TMEM30B: variants seen among roughly 807,000 people sequenced by gnomAD.
The protein encoded by TMEM30B is cell cycle control protein 50B.
TMEM30B carries 25 observed loss-of-function variants against 27.9 expected under a neutral mutation model. The observed-to-expected ratio is 0.89, with a 90% CI of 0.65 to 1.25. The LOEUF (loss-of-function observed/expected upper bound fraction) is 1.25, where lower values mean the gene tolerates loss of function less well. Ranked by LOEUF, TMEM30B falls within the 50% of genes most tolerant of loss-of-function variation. The pLI is 0.00. For missense variants in TMEM30B, 536 were observed against 506.5 expected (o/e 1.06, Z -0.56); for synonymous variants, 248 against 238.5 (o/e 1.04, Z -0.37).
At position 61,280,880 on chromosome 14, in the gene TMEM30B, G is replaced by A; in HGVS notation, c.268C>T (p.Pro90Ser). The change falls in exon 1 of 1, where the codon CCC becomes TCC. Residue 90 changes from proline (P) to serine (S), a missense_variant. Physicochemically the swap from Pro to Ser is moderately conservative, Grantham distance 74. Coordinates refer to ENST00000555868, the MANE Select transcript of TMEM30B (RefSeq NM_001017970.3). This position sits in a 1 kb window ranked among gnomAD's most constrained non-coding sequence, Gnocchi z 5.0. ...AAGTACCAGGCGCACGAGCAGGGGG[G>A]CGGCAGCGCCCGGCCCTGGCCAGCC... ...AAAGQGRALP[P>S]PCSCAWYFSL... The A allele has an allele frequency of 6.4e-7, 1 of 1,560,784 alleles. No homozygotes were observed. Among genetic ancestry groups the A allele is most frequent in the Non-Finnish European group, 8.6e-7 (1 of 1,160,746 alleles).
At position 61,279,878 on chromosome 14, in the gene TMEM30B, A is replaced by G; in HGVS notation, c.*214T>C. 1.7e-6 allele frequency: 1 copy of G among 572,746 alleles called. No individual in the cohort carries two copies. Among genetic ancestry groups the G allele is most frequent in the Non-Finnish European group, 3.1e-6 (1 of 323,602 alleles). The allele number at this position is 572,746 out of a possible 1,614,324, so 35.5% of individuals were successfully genotyped here. A position where few individuals can be genotyped will look rare whatever the true frequency, so the allele number is the denominator to read the frequency against. ...AAGGAGGTGGGAAGAGTTTGCAAGGATGTTTCACTCTGCAGTCAACATCCC... is the reference window on the plus strand; with the variant it reads ...AAGGAGGTGGGAAGAGTTTGCAAGGGTGTTTCACTCTGCAGTCAACATCCC... On this transcript the variant is annotated 3_prime_UTR_variant, in exon 1 of 1. Coordinates refer to ENST00000555868, the MANE Select transcript of TMEM30B (RefSeq NM_001017970.3).
rs2045249745 is a variant in TMEM30B, at chr14:61,280,545, G to A, written c.603C>T (p.Asp201=). The A allele has an allele frequency of 1.2e-6, 2 of 1,611,674 alleles. No homozygotes were observed. Among genetic ancestry groups the A allele is most frequent in the East Asian group, 4.5e-5 (2 of 44,824 alleles). ...GCGGGTTGCGGAACTTGACGTGGTA[G>A]TCGGTCCACCAGGCGATGCCGGAGC... is the stretch of plus-strand genomic sequence containing the variant. ...LDRSGIAWWT[D]YHVKFRNPPL... Residue 201 remains aspartate, a synonymous_variant, in exon 1 of 1, where the codon GAC becomes GAT. Coordinates refer to ENST00000555868, the MANE Select transcript of TMEM30B (RefSeq NM_001017970.3). The surrounding 1 kb of genome is among the most constrained non-coding windows in gnomAD (Gnocchi z 5.0).
At position 61,280,115 on chromosome 14, in the gene TMEM30B, G is replaced by T. The variant is rs1405957515; in HGVS notation, c.1033C>A (p.Gln345Lys). ...MLVVYIRYQD[Q>K]DDDDEE ...AATCACTCCTCGTCGTCGTCGTCCT[G>T]GTCCTGGTAGCGAATGTAGACGACC... Residue 345 changes from glutamine (Q) to lysine (K), a missense_variant, in exon 1 of 1, where the codon CAG (glutamine) becomes AAG (lysine). Physicochemically the swap from Gln to Lys is moderately conservative, Grantham distance 53 (BLOSUM62 1). Coordinates refer to ENST00000555868, the MANE Select transcript of TMEM30B (RefSeq NM_001017970.3). The surrounding 1 kb of genome is among the most constrained non-coding windows in gnomAD (Gnocchi z 5.0). The T allele has an allele frequency of 6.2e-7, 1 of 1,613,100 alleles. No individual in the cohort carries two copies. Among genetic ancestry groups the T allele is most frequent in the Non-Finnish European group, 8.5e-7 (1 of 1,179,572 alleles).
In TMEM30B at chr14:61,281,209, C is replaced by G; in HGVS notation, c.-62G>C. 1 of 1,082,272 alleles carries G rather than the reference C, an allele frequency of 9.2e-7. No individual in the cohort carries two copies. The highest frequency in any genetic ancestry group is 1.7e-5 in the African/African-American group (1 of 60,170). The allele number at this position is 1,082,272 out of a possible 1,614,324, so 67.0% of individuals were successfully genotyped here. A position where few individuals can be genotyped will look rare whatever the true frequency, so the allele number is the denominator to read the frequency against. ...GTGGGGGCCCCGCCGCGGGGCGCCT[C>G]CCTCTCCGCGCCGCGCAAGCCCGGG... On this transcript the variant is annotated 5_prime_UTR_variant, in exon 1 of 1. Transcript: ENST00000555868.
In TMEM30B at chr14:61,280,959, C is replaced by T. The variant is rs765484197; in HGVS notation, c.189G>A (p.Leu63=). The change falls in exon 1 of 1, where the codon CTG becomes CTA. Residue 63 remains leucine (L), a synonymous_variant. Transcript: ENST00000555868. This position sits in a 1 kb window ranked among gnomAD's most constrained non-coding sequence, Gnocchi z 5.0. ...CCGGGTCGCCTGTATAGTCGTACTC[C>T]AGCTCCTTGATGCCGTTGGAGGAGT... ...LYYSSNGIKE[L]EYDYTGDPGT... 1.3e-6 allele frequency: 2 copies of T among 1,543,096 alleles called. No homozygotes were observed. The highest frequency in any genetic ancestry group is 1.7e-6 in the Non-Finnish European group (2 of 1,147,526).
In TMEM30B at chr14:61,278,627, AC is replaced by A. The variant is rs1566803817; in HGVS notation, c.*1464del. 6.6e-6 allele frequency: 1 copy of A among 152,250 alleles called. No homozygotes were observed. 9.4% of individuals were successfully genotyped at this position (152,250 alleles called of 1,614,324 possible). On this transcript the variant is annotated 3_prime_UTR_variant, in exon 1 of 1. Transcript: ENST00000555868. The stretch of plus-strand genomic sequence containing the variant: ...CAGGCACTGAAGAATTCTGACAAAT[AC>A]CAAATAACTGTTTGTTTTTACCAAA...
chr14:61,277,773 C>T lies in TMEM30B; in HGVS notation c.*2319G>A, dbSNP rs1313739849. ...AGGTTGATAAAGTATTGAGGACTAT[C>T]TAGTTTATATACACGTTGAGGTTGA... is the stretch of plus-strand genomic sequence containing the variant. On this transcript the variant is annotated 3_prime_UTR_variant, in exon 1 of 1. Coordinates refer to ENST00000555868, the MANE Select transcript of TMEM30B (RefSeq NM_001017970.3). 3.9e-5 allele frequency: 6 copies of T among 152,122 alleles called. No individual in the cohort carries two copies. Among genetic ancestry groups the T allele is most frequent in the Non-Finnish European group, 8.8e-5 (6 of 68,028 alleles). The allele number at this position is 152,122 out of a possible 1,614,324, so 9.4% of individuals were successfully genotyped here.
rs2045250363 is a variant in TMEM30B at position 61,280,586 on chromosome 14, C to A, written c.562G>T (p.Glu188Ter). 6.3e-7 allele frequency: 1 copy of A among 1,597,700 alleles called. No individual in the cohort carries two copies. Among genetic ancestry groups the A allele is most frequent in the Admixed American group, 1.8e-5 (1 of 57,024 alleles). Reference protein sequence around the residue: ...HQRQPGGPYVEVPLDRSGIAW... With the variant: ...HQRQPGGPYV ...ATGCCGGAGCGGTCGAGCGGCACCTCGACGTAGGGCCCGCCGGGCTGGCGC... is the reference window on the plus strand; with the variant it reads ...ATGCCGGAGCGGTCGAGCGGCACCTAGACGTAGGGCCCGCCGGGCTGGCGC... Residue 188 changes from glutamate (E) to a stop codon, truncating the protein, a stop_gained, in exon 1 of 1, where the codon GAG becomes TAG. Coordinates refer to ENST00000555868, the MANE Select transcript of TMEM30B (RefSeq NM_001017970.3). LOFTEE classifies it high-confidence loss of function. The surrounding 1 kb of genome is among the most constrained non-coding windows in gnomAD (Gnocchi z 5.0).
chr14:61,280,013 T>A lies in TMEM30B; in HGVS notation c.*79A>T. The A allele has an allele frequency of 1.6e-6, 2 of 1,272,108 alleles. No homozygotes were observed. The highest frequency in any genetic ancestry group is 2.1e-6 in the Non-Finnish European group (2 of 930,500). The allele number at this position is 1,272,108 out of a possible 1,614,324, so 78.8% of individuals were successfully genotyped here. ...AAAGCTAGGCGAGGTTGGAATTGGGTGACGGGCGAGGAGGAGATGCCAAAA... is the reference window on the plus strand; with the variant it reads ...AAAGCTAGGCGAGGTTGGAATTGGGAGACGGGCGAGGAGGAGATGCCAAAA... On this transcript the variant is annotated 3_prime_UTR_variant, in exon 1 of 1. Coordinates refer to ENST00000555868, the MANE Select transcript of TMEM30B (RefSeq NM_001017970.3). This position sits in a 1 kb window ranked among gnomAD's most constrained non-coding sequence, Gnocchi z 5.0.
At position 61,280,393 on chromosome 14, in the gene TMEM30B, A is replaced by G. The variant is rs777941277; in HGVS notation, c.755T>C (p.Val252Ala). Residue 252 changes from valine to alanine, a missense_variant, in exon 1 of 1, where the codon GTG becomes GCG. Transcript: ENST00000555868. The surrounding 1 kb of genome is among the most constrained non-coding windows in gnomAD (Gnocchi z 5.0). ...NTGFINQDFV[V>A]WMRTAALPTF... ...GGGCAGCGCCGCCGTGCGCATCCAC[A>G]CCACGAAGTCCTGATTGATGAAGCC... The G allele has an allele frequency of 6.2e-7, 1 of 1,613,990 alleles. No individual in the cohort carries two copies. Among genetic ancestry groups the G allele is most frequent in the East Asian group, 2.2e-5 (1 of 44,858 alleles).
rs2045243081 is a variant in TMEM30B, at chr14:61,280,112, C to G, written c.1036G>C (p.Asp346His). ...CGGAATCACTCCTCGTCGTCGTCGT[C>G]CTGGTCCTGGTAGCGAATGTAGACG... ...LVVYIRYQDQ[D>H]DDDEE The change falls in exon 1 of 1, where the codon GAC becomes CAC. Residue 346 changes from aspartate to histidine, a missense_variant. By Grantham distance (81) the Asp-to-His change is moderately conservative. Transcript: ENST00000555868. The surrounding 1 kb of genome is among the most constrained non-coding windows in gnomAD (Gnocchi z 5.0). The G allele has an allele frequency of 6.2e-7, 1 of 1,612,806 alleles. No homozygotes were observed. The highest frequency in any genetic ancestry group is 1.3e-5 in the African/African-American group (1 of 75,004).
In TMEM30B at chr14:61,281,059, A is replaced by T; in HGVS notation, c.89T>A (p.Leu30Gln). The change falls in exon 1 of 1, where the codon CTG becomes CAG. Residue 30 changes from leucine (L) to glutamine (Q), a missense_variant. Transcript: ENST00000555868. ...QQRLPAWQPL[L>Q]SASIALPLFF... ...GAGCGGCAGCGCGATGCTGGCCGACAGCAGCGGCTGCCAGGCGGGGAGGCG... is the reference window on the plus strand; with the variant it reads ...GAGCGGCAGCGCGATGCTGGCCGACTGCAGCGGCTGCCAGGCGGGGAGGCG... The T allele has an allele frequency of 6.6e-7, 1 of 1,521,348 alleles. No homozygotes were observed. Among genetic ancestry groups the T allele is most frequent in the Admixed American group, 2.0e-5 (1 of 48,808 alleles). The allele number at this position is 1,521,348 out of a possible 1,614,324, so 94.2% of individuals were successfully genotyped here.
chr14:61,280,383 G>A lies in TMEM30B; in HGVS notation c.765C>T (p.Arg255=), dbSNP rs748577348. The stretch of plus-strand genomic sequence containing the variant: ...TGCGGAACGTGGGCAGCGCCGCCGT[G>A]CGCATCCACACCACGAAGTCCTGAT... ...FINQDFVVWM[R]TAALPTFRKL... is the part of the protein sequence containing the mutation. Residue 255 remains arginine, a synonymous_variant, in exon 1 of 1, where the codon CGC becomes CGT. Transcript: ENST00000555868. This position sits in a 1 kb window ranked among gnomAD's most constrained non-coding sequence, Gnocchi z 5.0. 2 of 1,614,000 alleles carry A rather than the reference G, an allele frequency of 1.2e-6. No homozygotes were observed. Among genetic ancestry groups the A allele is most frequent in the Middle Eastern group, 1.6e-4 (1 of 6,062 alleles).
chr14:61,281,030 A>G lies in TMEM30B; in HGVS notation c.118T>C (p.Phe40Leu). ...LSASIALPLF[F>L]CAGLAFIGLG... is the part of the protein sequence containing the mutation. ...CCGATGAAGGCCAGGCCCGCGCAGAAGAAGAGCGGCAGCGCGATGCTGGCC... is the reference window on the plus strand; with the variant it reads ...CCGATGAAGGCCAGGCCCGCGCAGAGGAAGAGCGGCAGCGCGATGCTGGCC... The change falls in exon 1 of 1, where the codon TTC (phenylalanine) becomes CTC (leucine). Residue 40 changes from phenylalanine to leucine, a missense_variant. Physicochemically the swap from Phe to Leu is conservative, Grantham distance 22 (BLOSUM62 0). Coordinates refer to ENST00000555868, the MANE Select transcript of TMEM30B (RefSeq NM_001017970.3). 6.5e-7 allele frequency: 1 copy of G among 1,532,668 alleles called. No individual in the cohort carries two copies. The highest frequency in any genetic ancestry group is 1.2e-5 in the South Asian group (1 of 82,192). 94.9% of individuals were successfully genotyped at this position (1,532,668 alleles called of 1,614,324 possible).
At position 61,278,793 on chromosome 14, in the gene TMEM30B, TG is replaced by T. The variant is rs1358275574; in HGVS notation, c.*1298del. ...ATAAAATCAATGGAATGATTTTAGT[TG>T]AGTGTAAACTTCATCTCAAAGGTTC... On this transcript the variant is annotated 3_prime_UTR_variant, in exon 1 of 1. Coordinates refer to ENST00000555868, the MANE Select transcript of TMEM30B (RefSeq NM_001017970.3). 8 of 152,326 alleles carry T rather than the reference TG, an allele frequency of 5.3e-5. No individual in the cohort carries two copies. The East Asian group carries it at 1.5e-3, about 29-fold the overall frequency. The allele number at this position is 152,326 out of a possible 1,614,324, so 9.4% of individuals were successfully genotyped here.
rs1297074766 is a variant in TMEM30B at position 61,281,023 on chromosome 14, G to C, written c.125C>G (p.Ala42Gly). ...ASIALPLFFC[A>G]GLAFIGLGLG... ...GCCCAGGCCGATGAAGGCCAGGCCC[G>C]CGCAGAAGAAGAGCGGCAGCGCGAT... Residue 42 changes from alanine (A) to glycine (G), a missense_variant, in exon 1 of 1, where the codon GCG becomes GGG. Ala to Gly is a moderately conservative substitution (Grantham distance 60, BLOSUM62 0). Coordinates refer to ENST00000555868, the MANE Select transcript of TMEM30B (RefSeq NM_001017970.3). 6.5e-7 allele frequency: 1 copy of C among 1,533,992 alleles called. No individual in the cohort carries two copies. The highest frequency in any genetic ancestry group is 8.7e-7 in the Non-Finnish European group (1 of 1,142,972).
In TMEM30B at chr14:61,277,452, C is replaced by T. The variant is rs1363349850; in HGVS notation, c.*2640G>A. 5 of 152,192 alleles carry T rather than the reference C, an allele frequency of 3.3e-5. No homozygotes were observed. The highest frequency in any genetic ancestry group is 1.5e-5 in the Non-Finnish European group (1 of 68,034). 9.4% of individuals were successfully genotyped at this position (152,192 alleles called of 1,614,324 possible). ...TGTTGAGGTTCACTCTTTTCTATCTCACTTCCTGAAGATACTTCTAGCTAG... is the reference window on the plus strand; with the variant it reads ...TGTTGAGGTTCACTCTTTTCTATCTTACTTCCTGAAGATACTTCTAGCTAG... On this transcript the variant is annotated 3_prime_UTR_variant, in exon 1 of 1. Transcript: ENST00000555868.
rs1183533967 is a variant in TMEM30B, at chr14:61,279,942, A to AG, written c.*149dup. On this transcript the variant is annotated 3_prime_UTR_variant, in exon 1 of 1. Transcript: ENST00000555868. ...ACAGTCTAGCAGCCCCCCAAGAGCA[A>AG]GGGGGGTAATTCCCTTATCTGGTCC... 8.9e-6 allele frequency: 6 copies of AG among 675,752 alleles called. No individual in the cohort carries two copies. In the East Asian group the frequency reaches 1.4e-4, roughly 16 times the overall value. The allele number at this position is 675,752 out of a possible 1,614,324, so 41.9% of individuals were successfully genotyped here.
In TMEM30B at chr14:61,280,909, G is replaced by A. The variant is rs747831558; in HGVS notation, c.239C>T (p.Ala80Val). ...DPGTGNCSVC[A>V]AAGQGRALPP... ...CAGCGCCCGGCCCTGGCCAGCCGCG[G>A]CGCACACCGAGCAGTTACCGGTGCC... Residue 80 changes from alanine (A) to valine (V), a missense_variant, in exon 1 of 1, where the codon GCC becomes GTC. Physicochemically the swap from Ala to Val is moderately conservative, Grantham distance 64 (BLOSUM62 0). Transcript: ENST00000555868. This position sits in a 1 kb window ranked among gnomAD's most constrained non-coding sequence, Gnocchi z 5.0. 1 of 1,546,654 alleles carries A rather than the reference G, an allele frequency of 6.5e-7. No individual in the cohort carries two copies. The highest frequency in any genetic ancestry group is 1.2e-5 in the South Asian group (1 of 84,232).
Sources: allele counts gnomAD v4.1 joint callset, GRCh38; gene constraint gnomAD v4.1.1; non-coding constraint Gnocchi (gnomAD v3.1); transcripts MANE v1.5; gene names NCBI Gene and HGNC (gene_info 2026-07-23, HGNC 2026-07-21).